Variants in GRIP1 observed in about 807,000 individuals in gnomAD.
GRIP1 encodes glutamate receptor-interacting protein 1.
In GRIP1, 45 loss-of-function variants were observed where a neutral mutation model predicts 129.9. That is an observed-to-expected ratio of 0.35 (90% confidence interval 0.27 to 0.44). GRIP1 has a LOEUF of 0.44. Ranked by LOEUF, GRIP1 falls within the 20% of genes least tolerant of loss-of-function variation. The pLI is 1.00. For synonymous variants in GRIP1, 530 were observed against 520.8 expected, an observed-to-expected ratio of 1.02 and a Z score of -0.24; for missense variants, 1,196 against 1,396.8, an observed-to-expected ratio of 0.86 and a Z score of 2.29.
intron 1 of GRIP1, among the ~76,000 whole-genome samples, chr12:66,678,592 T>C (rs1424826963): frequency 6.6e-6 from 1 of 152,012 alleles, no homozygotes; most frequent in East Asian, 1.9e-4. Context: ...CATTCTCTTT[T>C]CAGCAAAGAA....
At chr12:66,384,762 T>C (rs1310137463) in intron 19 of GRIP1, among the ~76,000 whole-genome samples, 1 of 151,948 alleles carries the variant, frequency 6.6e-6, no homozygotes, top group Non-Finnish European at 1.5e-5. Flanking sequence ...GCTAAGTGAG[T>C]AGAGGGAGTG....
intron 1 of GRIP1, among the ~76,000 whole-genome samples, chr12:66,792,329 G>C (rs1287379348): frequency 6.6e-6 from 1 of 152,100 alleles, no homozygotes; most frequent in Admixed American, 6.6e-5. Context: ...CTGGGCTCAA[G>C]TGATCCTTCT....
intron 1 of GRIP1, among the ~76,000 whole-genome samples, chr12:67,010,271 T>C (rs963558035): frequency 2.6e-5 from 4 of 152,148 alleles, no homozygotes; most frequent in African/African-American, 9.7e-5. Flanking sequence ...GTTTCTGTGT[T>C]CAAACAATTG....
rs575514232 is a variant in GRIP1 at position 66,366,921 on chromosome 12, C to T, written c.3012+4773G>A. Among the ~76,000 whole-genome samples the T allele has an allele frequency of 4.5e-4, 68 of 152,208 alleles. No homozygotes were observed. In the South Asian group the frequency reaches 0.014, roughly 31 times the overall value. The stretch of plus-strand genomic sequence containing the variant: ...CTGGCCTCTAACTTGTGGGCTCAAG[C>T]GATCCTCTTGCACTGGCCTCCCAAA... On this transcript the variant is annotated intron_variant, in intron 23 of 24. Coordinates refer to ENST00000359742, the MANE Select transcript of GRIP1 (RefSeq NM_001366722.1).
intron 1 of GRIP1, among the ~76,000 whole-genome samples, chr12:67,043,182 G>C (rs2043204597): frequency 6.6e-6 from 1 of 152,178 alleles, no homozygotes; most frequent in Admixed American, 6.5e-5. Flanking sequence ...CATTGAAATT[G>C]ATGTAGCACC....
intron 15 of GRIP1, among the ~76,000 whole-genome samples, chr12:66,409,959 G>C (rs576264280): frequency 6.6e-6 from 1 of 152,302 alleles, no homozygotes; most frequent in South Asian, 2.1e-4. Context: ...AAGCAGAAGA[G>C]ATAATTAGTG....
intron 1 of GRIP1, among the ~76,000 whole-genome samples, chr12:66,957,063 T>C (rs73315209): frequency 0.02 from 3,007 of 152,164 alleles, 105 homozygotes; most frequent in African/African-American, 0.068. Context: ...GAAACTCTAA[T>C]CTGCAGGACC....
chr12:66,841,994 C>G (rs140748288), intron 1 of GRIP1, among the ~76,000 whole-genome samples: 17 of 152,256 alleles, frequency 1.1e-4, no homozygotes, highest in Middle Eastern at 6.8e-3. Context: ...AAAGTAAGAT[C>G]AGCAATGATT....
intron 1 of GRIP1, among the ~76,000 whole-genome samples, chr12:67,042,765 G>C (rs1433686017): frequency 6.6e-6 from 1 of 152,184 alleles, no homozygotes; most frequent in Non-Finnish European, 1.5e-5. Flanking sequence ...GGACAGCTCT[G>C]ATGGATGGGT....
At chr12:66,533,887 A>ACACACACTCTCTCT (rs139244381) in intron 4 of GRIP1, among the ~76,000 whole-genome samples, 2 of 148,054 alleles carry the variant, frequency 1.4e-5, no homozygotes, top group African/African-American at 5.0e-5. Context: ...ACATACACAC[A>ACACACACTCTCTCT]CTCTCTCTCT....
intron 7 of GRIP1, among the ~76,000 whole-genome samples, chr12:66,470,292 C>T (rs759764603): frequency 6.6e-6 from 1 of 152,182 alleles, no homozygotes. Flanking sequence ...TTGTCTTCCA[C>T]CATTCTGCCC....
intron 1 of GRIP1, among the ~76,000 whole-genome samples, chr12:66,721,646 C>A (rs2036060751): frequency 6.6e-6 from 1 of 152,158 alleles, no homozygotes; most frequent in African/African-American, 2.4e-5. Flanking sequence ...ACAAGAGAAT[C>A]AACCCAATCT....
intron 1 of GRIP1, among the ~76,000 whole-genome samples, chr12:66,699,002 T>C (rs1483895221): frequency 1.3e-5 from 2 of 152,134 alleles, no homozygotes; most frequent in African/African-American, 2.4e-5. Context: ...CAGCTGTTGC[T>C]ACCATTACTA....
At chr12:66,940,439 C>T (rs1782170101) in intron 1 of GRIP1, among the ~76,000 whole-genome samples, 1 of 152,074 alleles carries the variant, frequency 6.6e-6, no homozygotes, top group African/African-American at 2.4e-5. Flanking sequence ...GTCACGGCCA[C>T]CTACACCCAA....
rs1313952791 is a variant in GRIP1 at position 66,348,706 on chromosome 12, G to GTGA, written c.*310_*312dup. 8.9e-6 allele frequency: 3 copies of GTGA among 337,356 alleles called. No individual in the cohort carries two copies. The highest frequency in any genetic ancestry group is 4.3e-5 in the Admixed American group (1 of 23,208). 20.9% of individuals were successfully genotyped at this position (337,356 alleles called of 1,614,324 possible). ...AAACAGATGTTTCTCTTTTTAAAAA[G>GTGA]TGATAGTAAGATGAACTTGTAAAAA... On this transcript the variant is annotated 3_prime_UTR_variant, in exon 25 of 25. Coordinates refer to ENST00000359742, the MANE Select transcript of GRIP1 (RefSeq NM_001366722.1).
intron 7 of GRIP1, among the ~76,000 whole-genome samples, chr12:66,494,389 G>A (rs532614032): frequency 2.6e-5 from 4 of 152,006 alleles, no homozygotes; most frequent in Admixed American, 2.6e-4. Context: ...TATTTGTTCT[G>A]CCTTCAAAAC....
intron 2 of GRIP1, among the ~76,000 whole-genome samples, chr12:66,543,061 C>T (rs2061835309): frequency 6.6e-6 from 1 of 152,080 alleles, no homozygotes; most frequent in African/African-American, 2.4e-5. Context: ...TAAATTGCTG[C>T]TGCTAGTACA....
intron 1 of GRIP1, among the ~76,000 whole-genome samples, chr12:66,822,604 G>A (rs775610380): frequency 1.2e-4 from 18 of 152,014 alleles, no homozygotes; most frequent in Non-Finnish European, 2.5e-4. Context: ...ATCAACCTAG[G>A]TGCCCATTAA....
At chr12:66,677,441 A>G (rs2034389848) in intron 1 of GRIP1, among the ~76,000 whole-genome samples, 1 of 152,162 alleles carries the variant, frequency 6.6e-6, no homozygotes, top group African/African-American at 2.4e-5. Flanking sequence ...AGGTCAGAAA[A>G]GAACTTTTCA....
Sources: gnomAD v4.1 joint callset for allele counts (sites outside exome capture counted in the v4.1 genomes callset) on GRCh38, gnomAD v4.1.1 for gene constraint, MANE v1.5 for transcripts, NCBI Gene and HGNC (gene_info 2026-07-23, HGNC 2026-07-21) for gene names.